Variants in SLX4IP observed in about 807,000 individuals in gnomAD.
The protein encoded by SLX4IP is protein SLX4IP.
Under a neutral mutation model 32.9 loss-of-function variants are expected in SLX4IP, and 34 were observed. The observed-to-expected ratio is 1.03, with a 90% CI of 0.79 to 1.38. The LOEUF (loss-of-function observed/expected upper bound fraction) is 1.38, where lower values mean the gene tolerates loss of function less well. SLX4IP is among the 40% of genes most tolerant of loss of function. SLX4IP has a pLI of 0.00. For synonymous variants in SLX4IP, 172 were observed against 171.7 expected, an observed-to-expected ratio of 1.00 and a Z score of -0.01; for missense variants, 444 against 479.0, an observed-to-expected ratio of 0.93 and a Z score of 0.68.
intron 2 of SLX4IP, among the ~76,000 whole-genome samples, chr20:10,553,409 C>T (rs1568737241): frequency 6.6e-6 from 1 of 152,086 alleles, no homozygotes; most frequent in South Asian, 2.1e-4. Flanking sequence ...CTTGTTAATC[C>T]TATGTGTTGT....
chr20:10,576,572 A>G (rs998419353), intron 4 of SLX4IP, among the ~76,000 whole-genome samples: 1 of 152,236 alleles, frequency 6.6e-6, no homozygotes, highest in African/African-American at 2.4e-5. Flanking sequence ...CCATGCCTAC[A>G]TTAAGCAAAA....
At chr20:10,487,004 A>T (rs1237067732) in intron 2 of SLX4IP, among the ~76,000 whole-genome samples, 2 of 151,914 alleles carry the variant, frequency 1.3e-5, no homozygotes, top group African/African-American at 4.8e-5. Context: ...GATTCACTTC[A>T]GTTTTTTGGG....
intron 6 of SLX4IP, among the ~76,000 whole-genome samples, chr20:10,609,057 C>A (rs921590826): frequency 4.6e-5 from 7 of 152,198 alleles, no homozygotes; most frequent in African/African-American, 1.7e-4. Flanking sequence ...AGTGGGAGTT[C>A]TGTTAACCAA....
chr20:10,528,439 T>A (rs577694310), intron 2 of SLX4IP, among the ~76,000 whole-genome samples: 1 of 152,314 alleles, frequency 6.6e-6, no homozygotes, highest in South Asian at 2.1e-4. Context: ...TTCCCTTTCC[T>A]TTATCTGATA....
At chr20:10,575,105 G>A (rs1423117557) in intron 4 of SLX4IP, among the ~76,000 whole-genome samples, 1 of 152,138 alleles carries the variant, frequency 6.6e-6, no homozygotes, top group Non-Finnish European at 1.5e-5. Context: ...GAACTGGTTG[G>A]CATTCCTGCC....
At chr20:10,460,953 T>C (rs1220899386) in intron 2 of SLX4IP, among the ~76,000 whole-genome samples, 2 of 152,222 alleles carry the variant, frequency 1.3e-5, no homozygotes, top group Non-Finnish European at 2.9e-5. Flanking sequence ...TTATTCTGGC[T>C]TGGGATAAAA....
At chr20:10,541,943 A>G (rs537353144) in intron 2 of SLX4IP, among the ~76,000 whole-genome samples, 2 of 152,344 alleles carry the variant, frequency 1.3e-5, no homozygotes, top group East Asian at 3.9e-4. Flanking sequence ...TCTAAAGCCC[A>G]TGCTTTGCAT....
At chr20:10,479,509 C>T (rs551693893) in intron 2 of SLX4IP, among the ~76,000 whole-genome samples, 6 of 151,488 alleles carry the variant, frequency 4.0e-5, no homozygotes, top group African/African-American at 4.8e-5. Context: ...TGCACCACCA[C>T]GCTCAGCTAA....
chr20:10,619,752 T>C (rs2067085603), intron 6 of SLX4IP, among the ~76,000 whole-genome samples: 1 of 152,220 alleles, frequency 6.6e-6, no homozygotes, highest in South Asian at 2.1e-4. Context: ...AGGGCATGTT[T>C]AGAAGTGTTT....
chr20:10,441,207 G>A (rs185256112), intron 1 of SLX4IP, among the ~76,000 whole-genome samples: 2 of 152,212 alleles, frequency 1.3e-5, no homozygotes, highest in East Asian at 1.9e-4. Context: ...AGTCTGAGGC[G>A]AGTGGAGTGC....
At chr20:10,618,864 G>A (rs1189484494) in intron 6 of SLX4IP, among the ~76,000 whole-genome samples, 1 of 141,046 alleles carries the variant, frequency 7.1e-6, no homozygotes, top group East Asian at 2.2e-4. Context: ...TAGTAATCAG[G>A]ATGACTCCCT....
chr20:10,619,181 T>C (rs979617777), intron 6 of SLX4IP, among the ~76,000 whole-genome samples: 85 of 151,986 alleles, frequency 5.6e-4, no homozygotes, highest in African/African-American at 1.9e-3. Context: ...GCCTTGCTTT[T>C]CTCTTTCTTT....
chr20:10,557,272 C>T (rs747403523), intron 3 of SLX4IP, among the ~76,000 whole-genome samples: 1 of 151,968 alleles, frequency 6.6e-6, no homozygotes, highest in Non-Finnish European at 1.5e-5. Flanking sequence ...AAAAAGATCC[C>T]CACCCCCCAA....
intron 2 of SLX4IP, among the ~76,000 whole-genome samples, chr20:10,474,679 C>T (rs773307376): frequency 1.4e-4 from 21 of 152,238 alleles, no homozygotes; most frequent in Non-Finnish European, 2.9e-4. Flanking sequence ...CTTCCGCCGG[C>T]CGCCTTGTTC....
intron 1 of SLX4IP, among the ~76,000 whole-genome samples, chr20:10,440,444 G>A (rs1295452250): frequency 6.6e-6 from 1 of 151,562 alleles, no homozygotes; most frequent in African/African-American, 2.4e-5. Flanking sequence ...GACACAGTGA[G>A]ACTCTGTCTC....
At chr20:10,538,871 C>T (rs2066074658) in intron 2 of SLX4IP, among the ~76,000 whole-genome samples, 1 of 152,178 alleles carries the variant, frequency 6.6e-6, no homozygotes, top group Non-Finnish European at 1.5e-5. Flanking sequence ...TGTCACATTT[C>T]ACCAATAGGT....
intron 2 of SLX4IP, among the ~76,000 whole-genome samples, chr20:10,512,776 C>CTATATATATA (rs769874841): frequency 6.2e-4 from 71 of 114,602 alleles, no homozygotes; most frequent in Admixed American, 9.8e-4. Flanking sequence ...CACACACACA[C>CTATATATATA]TCTATATATA....
Position 10,502,181 on chromosome 20 carries a change from A to G in SLX4IP, c.27+43950A>G, listed in dbSNP as rs184752938. 9.2e-4 allele frequency among the ~76,000 whole-genome samples: 140 copies of G among 152,218 alleles called. 1 individual carries two copies. The highest frequency in any genetic ancestry group is 2.4e-4 in the Non-Finnish European group (16 of 68,014). ...GGCACTTACCCCTTTAAGTGAGGAG[A>G]GATGGCTTCCATTTAATTATTGCTC... On this transcript the variant is annotated intron_variant, in intron 2 of 7. Transcript: ENST00000334534.
intron 6 of SLX4IP, among the ~76,000 whole-genome samples, chr20:10,620,914 GGT>G: frequency 6.6e-6 from 1 of 152,246 alleles, no homozygotes; most frequent in East Asian, 1.9e-4. Context: ...GGATGATAAG[GGT>G]GTAGACCACT....
Sources: gnomAD v4.1 joint callset for allele counts (sites outside exome capture counted in the v4.1 genomes callset) on GRCh38, gnomAD v4.1.1 for gene constraint, MANE v1.5 for transcripts, NCBI Gene and HGNC (gene_info 2026-07-23, HGNC 2026-07-21) for gene names.